Variants in DOCK2 observed in about 807,000 individuals in gnomAD.
DOCK2 encodes the protein dedicator of cytokinesis protein 2.
Under a neutral mutation model 248.9 loss-of-function variants are expected in DOCK2, and 87 were observed. That is an observed-to-expected ratio of 0.35 (90% CI 0.29 to 0.42). The LOEUF is 0.42. DOCK2 is among the 10% of genes least tolerant of loss of function. DOCK2 has a pLI of 1.00. For missense variants in DOCK2, 1,747 were observed against 2,300.2 expected (o/e 0.76, Z 4.92); for synonymous variants, 805 against 821.6 (o/e 0.98, Z 0.35).
At chr5:169,959,584 C>G (rs1377838179) in intron 27 of DOCK2, among the ~76,000 whole-genome samples, 1 of 152,090 alleles carries the variant, frequency 6.6e-6, no homozygotes, top group Non-Finnish European at 1.5e-5. Flanking sequence ...ATCTTGCAAG[C>G]AGAGGTCACT....
intron 27 of DOCK2, among the ~76,000 whole-genome samples, chr5:169,945,062 A>G (rs1776390816): frequency 2.0e-5 from 3 of 152,220 alleles, no homozygotes. Flanking sequence ...AGGACAAAAG[A>G]GCATTCACAG....
chr5:169,813,032 G>C (rs547956012), intron 26 of DOCK2, among the ~76,000 whole-genome samples: 1 of 152,228 alleles, frequency 6.6e-6, no homozygotes, highest in Non-Finnish European at 1.5e-5. Flanking sequence ...TTCCTGGAGC[G>C]ACTGGAGAAA....
At chr5:169,893,479 C>CTTT (rs200833735) in intron 27 of DOCK2, among the ~76,000 whole-genome samples, 1 of 143,028 alleles carries the variant, frequency 7.0e-6, no homozygotes, top group African/African-American at 2.6e-5. Context: ...TTTTCTTACC[C>CTTT]TTTTTTTTTT....
intron 27 of DOCK2, among the ~76,000 whole-genome samples, chr5:169,924,142 G>A (rs774400404): frequency 6.6e-6 from 1 of 152,134 alleles, no homozygotes; most frequent in Non-Finnish European, 1.5e-5. Context: ...CTCCCAGTCT[G>A]CTTCTCCCTG....
rs1757825897 is a variant in DOCK2, at chr5:170,076,014, A to G, written c.4796A>G (p.His1599Arg). 1 of 1,613,128 alleles carries G rather than the reference A, an allele frequency of 6.2e-7. No individual in the cohort carries two copies. The highest frequency in any genetic ancestry group is 8.5e-7 in the Non-Finnish European group (1 of 1,179,448). The change falls in exon 47 of 52, where the codon CAT becomes CGT. Residue 1599 changes from histidine (H) to arginine (R), a missense_variant. By Grantham distance (29) the His-to-Arg change is conservative (BLOSUM62 0). Transcript: ENST00000520908. Reference sequence around the variant, plus strand: ...GTGTCAGATAACTTGCGACCCTTCCATGACCGGATGGAGGAATGTTTCAAG... The same window carrying G: ...GTGTCAGATAACTTGCGACCCTTCCGTGACCGGATGGAGGAATGTTTCAAG... ...KRVSDNLRPFHDRMEECFKNL... is the reference protein window; with the variant it reads ...KRVSDNLRPFRDRMEECFKNL...
chr5:170,039,394 G>C (rs1303875597), intron 36 of DOCK2, among the ~76,000 whole-genome samples: 1 of 152,168 alleles, frequency 6.6e-6, no homozygotes, highest in Non-Finnish European at 1.5e-5. Flanking sequence ...CTGATGATTT[G>C]ATTCATGCCT....
chr5:169,837,469 A>G (rs1288798709), intron 26 of DOCK2, among the ~76,000 whole-genome samples: 1 of 152,184 alleles, frequency 6.6e-6, no homozygotes, highest in Non-Finnish European at 1.5e-5. Flanking sequence ...TAGATTATGC[A>G]TTGCCTTGTA....
In DOCK2 at chr5:169,775,852, G is replaced by C. The variant is rs186281381; in HGVS notation, c.2554+14227G>C. Reference sequence around the variant, plus strand: ...GGAGTGTCTGAGCTGAGAGATGCCTGCTTCTCAACCTCAGCAGCCCTTGGG... The same window carrying C: ...GGAGTGTCTGAGCTGAGAGATGCCTCCTTCTCAACCTCAGCAGCCCTTGGG... On this transcript the variant is annotated intron_variant, in intron 25 of 51. Transcript: ENST00000520908. Among the ~76,000 whole-genome samples the C allele has an allele frequency of 1.1e-4, 17 of 151,914 alleles. No individual in the cohort carries two copies. In the East Asian group the frequency reaches 3.1e-3, roughly 28 times the overall value.
At chr5:169,963,814 C>T (rs1777188767) in intron 27 of DOCK2, among the ~76,000 whole-genome samples, 1 of 152,088 alleles carries the variant, frequency 6.6e-6, no homozygotes, top group South Asian at 2.1e-4. Context: ...CCTTGAGCAC[C>T]CAGCAGAGTC....
At chr5:169,943,530 C>T (rs1017184653) in intron 27 of DOCK2, among the ~76,000 whole-genome samples, 3 of 152,200 alleles carry the variant, frequency 2.0e-5, no homozygotes, top group Admixed American at 6.5e-5. Flanking sequence ...CATACAAGTC[C>T]ATCCCACGTT....
At chr5:169,798,715 T>C (rs767525490) in intron 25 of DOCK2, among the ~76,000 whole-genome samples, 2 of 152,192 alleles carry the variant, frequency 1.3e-5, no homozygotes, top group African/African-American at 2.4e-5. Flanking sequence ...TAACCCTTGG[T>C]CATTCCTTTC....
At chr5:169,956,173 G>A (rs1169354115) in intron 27 of DOCK2, among the ~76,000 whole-genome samples, 1 of 152,178 alleles carries the variant, frequency 6.6e-6, no homozygotes, top group Non-Finnish European at 1.5e-5. Flanking sequence ...GTCCTGCAAG[G>A]GCAAAACTTG....
rs191920457 is a variant in DOCK2 at position 169,730,941 on chromosome 5, G to T, written c.2267+12150G>T. ...CTGTTGCACAGGCTGAAGTACAGTGGCATGATCACAGCTCACTGTAGCCTT... is the reference window on the plus strand; with the variant it reads ...CTGTTGCACAGGCTGAAGTACAGTGTCATGATCACAGCTCACTGTAGCCTT... On this transcript the variant is annotated intron_variant, in intron 22 of 51. Coordinates refer to ENST00000520908, the MANE Select transcript of DOCK2 (RefSeq NM_004946.3). 1.3e-3 allele frequency among the ~76,000 whole-genome samples: 203 copies of T among 152,086 alleles called. 1 individual carries two copies. Among genetic ancestry groups the T allele is most frequent in the African/African-American group, 4.3e-3 (179 of 41,456 alleles).
intron 25 of DOCK2, among the ~76,000 whole-genome samples, chr5:169,775,822 A>T (rs1765354274): frequency 6.6e-6 from 1 of 151,394 alleles, no homozygotes; most frequent in African/African-American, 2.4e-5. Context: ...CCTGTGGGAG[A>T]TCTTGGAGTG....
At chr5:169,704,759 ATGTGTGTGTGTGTGTGTGTGTGTGTG>A (rs56289708) in intron 14 of DOCK2, among the ~76,000 whole-genome samples, 2 of 139,900 alleles carry the variant, frequency 1.4e-5, no homozygotes, top group Non-Finnish European at 3.1e-5. Flanking sequence ...CTCCATATAT[ATGTGTGTGTGTGTGTGTGTGTGTGTG>A]TGTGTGTGTG....
chr5:169,640,900 T>C (rs1370188977), intron 1 of DOCK2, among the ~76,000 whole-genome samples: 2 of 152,242 alleles, frequency 1.3e-5, no homozygotes, highest in South Asian at 4.1e-4. Flanking sequence ...CTGTTCTGTA[T>C]GCAGCTTCTC....
intron 26 of DOCK2, among the ~76,000 whole-genome samples, chr5:169,804,470 G>GTGTA (rs1554102756): frequency 0.013 from 1,074 of 83,430 alleles, 14 homozygotes; most frequent in Middle Eastern, 0.032. Context: ...GTGTGTGTGT[G>GTGTA]TGTGTGTGTG....
intron 27 of DOCK2, among the ~76,000 whole-genome samples, chr5:169,913,791 G>C (rs560048944): frequency 2.3e-4 from 35 of 152,238 alleles, no homozygotes; most frequent in African/African-American, 8.2e-4. Context: ...GATCAATGAG[G>C]AATTAGATGC....
At chr5:169,681,642 T>A in intron 6 of DOCK2, 102 bp from the exon 7 acceptor site, 5 of 1,452,306 alleles carry the variant, frequency 3.4e-6, no homozygotes, top group South Asian at 2.6e-5. Context: ...TATGTGACTA[T>A]ATGACCCCCA....
Sources: gnomAD v4.1 joint callset for allele counts (sites outside exome capture counted in the v4.1 genomes callset) on GRCh38, gnomAD v4.1.1 for gene constraint, MANE v1.5 for transcripts, NCBI Gene and HGNC (gene_info 2026-07-23, HGNC 2026-07-21) for gene names.